RAB3IP: variants seen among roughly 807,000 people sequenced by gnomAD.
RAB3IP encodes the protein rab-3A-interacting protein.
Under a neutral mutation model 59.1 loss-of-function variants are expected in RAB3IP, and 36 were observed. The observed-to-expected ratio is 0.61, with a 90% CI of 0.47 to 0.80. RAB3IP has a LOEUF of 0.80. RAB3IP is among the 30% of genes least tolerant of loss of function. The pLI is 0.00. For missense variants in RAB3IP, 511 were observed against 536.0 expected (o/e 0.95, Z 0.46); for synonymous variants, 207 against 191.2 (o/e 1.08, Z -0.68).
Position 69,784,822 on chromosome 12 carries a change from C to T in RAB3IP, c.606+7C>T, listed in dbSNP as rs1875357227. 6.5e-7 allele frequency: 1 copy of T among 1,538,128 alleles called. No homozygotes were observed. The highest frequency in any genetic ancestry group is 8.9e-7 in the Non-Finnish European group (1 of 1,118,036). ...CACAGCTAGTCTATTTGAGGTTGGT[C>T]TATTTACATCTTGGCCAACAGCAAC... On this transcript the variant is annotated splice_region_variant and intron_variant, in intron 4 of 10. Coordinates refer to ENST00000247833, the MANE Select transcript of RAB3IP (RefSeq NM_022456.5).
intron 6 of RAB3IP, chr12:69,795,623 G>C: frequency 2.0e-6 from 1 of 492,898 alleles, no homozygotes. Flanking sequence ...AGGAGAGTGG[G>C]TGGCTTTAAT....
At chr12:69,753,454 A>C (rs1869664302) in intron 1 of RAB3IP, among the ~76,000 whole-genome samples, 1 of 152,052 alleles carries the variant, frequency 6.6e-6, no homozygotes, top group Non-Finnish European at 1.5e-5. Context: ...GGTTCAAATG[A>C]TTCTCCTGCC....
intron 6 of RAB3IP, among the ~76,000 whole-genome samples, chr12:69,798,512 G>C (rs1877887227): frequency 6.6e-6 from 1 of 151,692 alleles, no homozygotes; most frequent in South Asian, 2.1e-4. Context: ...TTGCTGTGCA[G>C]AGGCTCTTTA....
At chr12:69,804,728 C>G (rs1315382969) in intron 8 of RAB3IP, among the ~76,000 whole-genome samples, 3 of 151,700 alleles carry the variant, frequency 2.0e-5, no homozygotes, top group African/African-American at 7.3e-5. Flanking sequence ...AGCCAGTTTT[C>G]CCAGCACCAT....
Position 69,820,328 on chromosome 12 carries a change from C to A in RAB3IP, c.*4882C>A, listed in dbSNP as rs552143646. The A allele has an allele frequency of 6.6e-6, 1 of 152,064 alleles. No individual in the cohort carries two copies. The highest frequency in any genetic ancestry group is 1.5e-5 in the Non-Finnish European group (1 of 68,042). 9.4% of individuals were successfully genotyped at this position (152,064 alleles called of 1,614,324 possible). A position where few individuals can be genotyped will look rare whatever the true frequency, so the allele number is the denominator to read the frequency against. On this transcript the variant is annotated 3_prime_UTR_variant, in exon 11 of 11. Transcript: ENST00000247833. ...ATCAGCAAATTCCATCAGCTGTCTC[C>A]GAGACATCTTAAATCTGTCTACCTC... is the stretch of plus-strand genomic sequence containing the variant.
In RAB3IP at chr12:69,822,634, T is replaced by C; in HGVS notation, c.*7188T>C. ...GGTAGCACAATAGGGTAAATACAGT[T>C]AATAATTTATTGTATATTTCACAAT... On this transcript the variant is annotated 3_prime_UTR_variant, in exon 11 of 11. Coordinates refer to ENST00000247833, the MANE Select transcript of RAB3IP (RefSeq NM_022456.5). 6.6e-6 allele frequency: 1 copy of C among 152,006 alleles called. No homozygotes were observed. The highest frequency in any genetic ancestry group is 1.9e-4 in the East Asian group (1 of 5,198). The allele number at this position is 152,006 out of a possible 1,614,324, so 9.4% of individuals were successfully genotyped here.
intron 3 of RAB3IP, among the ~76,000 whole-genome samples, chr12:69,758,101 T>C (rs1163979786): frequency 2.0e-5 from 3 of 152,238 alleles, no homozygotes; most frequent in African/African-American, 7.2e-5. Flanking sequence ...ACTTCCTGAA[T>C]TGTGACAACT....
chr12:69,745,814 C>T (rs1868316472), intron 1 of RAB3IP, among the ~76,000 whole-genome samples: 1 of 152,168 alleles, frequency 6.6e-6, no homozygotes, highest in Admixed American at 6.5e-5. Flanking sequence ...ATTCCCATCT[C>T]CCTACTCCCT....
intron 3 of RAB3IP, among the ~76,000 whole-genome samples, chr12:69,759,478 C>T (rs1218851989): frequency 2.6e-5 from 4 of 152,096 alleles, no homozygotes; most frequent in Admixed American, 6.5e-5. Context: ...CATCATGGCC[C>T]GTTCTCAATG....
intron 4 of RAB3IP, among the ~76,000 whole-genome samples, chr12:69,787,373 T>C (rs1282585987): frequency 6.6e-6 from 1 of 152,190 alleles, no homozygotes; most frequent in Non-Finnish European, 1.5e-5. Context: ...TTAAGATGTT[T>C]ATGTTTTATA....
intron 3 of RAB3IP, among the ~76,000 whole-genome samples, chr12:69,769,132 T>C (rs1442075374): frequency 6.6e-6 from 1 of 152,178 alleles, no homozygotes; most frequent in Admixed American, 6.5e-5. Flanking sequence ...TCTGCCGTGA[T>C]TGTAAGCCTC....
chr12:69,815,553 TCC>T lies in RAB3IP; in HGVS notation c.*110_*111del, dbSNP rs1252687620. ...CCAAGGAGTGAGCCTAAGACTTTTT[TCC>T]CCTTTTGCAAATTGCTCTAAGAAGT... On this transcript the variant is annotated 3_prime_UTR_variant, in exon 11 of 11. Coordinates refer to ENST00000247833, the MANE Select transcript of RAB3IP (RefSeq NM_022456.5). 2 of 780,112 alleles carry T rather than the reference TCC, an allele frequency of 2.6e-6. No individual in the cohort carries two copies. Among genetic ancestry groups the T allele is most frequent in the African/African-American group, 3.5e-5 (2 of 57,326 alleles). 48.3% of individuals were successfully genotyped at this position (780,112 alleles called of 1,614,324 possible).
intron 4 of RAB3IP, among the ~76,000 whole-genome samples, chr12:69,786,210 C>A (rs965848611): frequency 4.6e-5 from 7 of 152,126 alleles, no homozygotes; most frequent in African/African-American, 1.7e-4. Context: ...AATGTTGCTG[C>A]ACCATCACTA....
Position 69,764,710 on chromosome 12 carries a change from C to T in RAB3IP, c.510+8047C>T, listed in dbSNP as rs560589958. Among the ~76,000 whole-genome samples the T allele has an allele frequency of 1.9e-4, 29 of 151,642 alleles. No homozygotes were observed. The South Asian group carries it at 5.2e-3, about 27-fold the overall frequency. On this transcript the variant is annotated intron_variant, in intron 3 of 10. Transcript: ENST00000247833. ...AACATTGGTAGTTTGATAGGAATAC[C>T]GTTGAATCTGTAGATTGCTTTGGGC...
chr12:69,739,511 G>T, intron 1 of RAB3IP: 1 of 324,746 alleles, frequency 3.1e-6, no homozygotes, highest in Non-Finnish European at 5.7e-6. Flanking sequence ...CGGACGCCGC[G>T]CGGCAGGGCT....
chr12:69,779,209 C>G lies in RAB3IP; in HGVS notation c.511-5511C>G, dbSNP rs376496221. On this transcript the variant is annotated intron_variant, in intron 3 of 10. Coordinates refer to ENST00000247833, the MANE Select transcript of RAB3IP (RefSeq NM_022456.5). ...GCGTCCGTCACCCCTTTCTTTGACT[C>G]GGAAAGGGAACTCCCTGACCCCTTG... 627 of 142,850 alleles carry G rather than the reference C, an allele frequency of 4.4e-3. 9 individuals carry two copies. Among genetic ancestry groups the G allele is most frequent in the African/African-American group, 0.016 (596 of 38,370 alleles). The allele number at this position is 142,850 out of a possible 1,614,324, so 8.8% of individuals were successfully genotyped here.
chr12:69,792,742 A>G (rs1439642802), intron 4 of RAB3IP, among the ~76,000 whole-genome samples: 1 of 152,132 alleles, frequency 6.6e-6, no homozygotes, highest in Non-Finnish European at 1.5e-5. Flanking sequence ...TTTTCACTGT[A>G]ACCCTTATGT....
chr12:69,756,270 A>T (rs1302911022), intron 2 of RAB3IP, 135 bp from the exon 3 acceptor site: 1 of 821,606 alleles, frequency 1.2e-6, no homozygotes, highest in South Asian at 1.8e-5. Context: ...TGTGGCTGAT[A>T]TGACTGAGGA....
At position 69,819,946 on chromosome 12, in the gene RAB3IP, G is replaced by T. The variant is rs1881520175; in HGVS notation, c.*4500G>T. On this transcript the variant is annotated 3_prime_UTR_variant, in exon 11 of 11. Coordinates refer to ENST00000247833, the MANE Select transcript of RAB3IP (RefSeq NM_022456.5). Reference sequence around the variant, plus strand: ...ATCCACACTGGAAGAACAAGATTTGGTTTCTGAACATTGGGTCTTAGTCCT... The same window carrying T: ...ATCCACACTGGAAGAACAAGATTTGTTTTCTGAACATTGGGTCTTAGTCCT... The T allele has an allele frequency of 6.6e-6, 1 of 152,120 alleles. No homozygotes were observed. Among genetic ancestry groups the T allele is most frequent in the African/African-American group, 2.4e-5 (1 of 41,416 alleles). 9.4% of individuals were successfully genotyped at this position (152,120 alleles called of 1,614,324 possible).
Sources: gnomAD v4.1 joint callset for allele counts (sites outside exome capture counted in the v4.1 genomes callset) on GRCh38, gnomAD v4.1.1 for gene constraint, MANE v1.5 for transcripts, NCBI Gene and HGNC (gene_info 2026-07-23, HGNC 2026-07-21) for gene names.